FGD4: variants seen among roughly 807,000 people sequenced by gnomAD.
FGD4 encodes the protein FYVE, RhoGEF and PH domain-containing protein 4.
In FGD4, 42 loss-of-function variants were observed where a neutral mutation model predicts 102.0. That is an observed-to-expected ratio of 0.41 (90% CI 0.32 to 0.53). The LOEUF (loss-of-function observed/expected upper bound fraction) is 0.53, where lower values mean the gene tolerates loss of function less well. Ranked by LOEUF, FGD4 falls within the 20% of genes least tolerant of loss-of-function variation. FGD4 has a pLI of 0.21. For missense variants in FGD4, 902 were observed against 1,078.2 expected (o/e 0.84, Z 2.29); for synonymous variants, 380 against 375.7 (o/e 1.01, Z -0.13).
intron 1 of FGD4, among the ~76,000 whole-genome samples, chr12:32,520,722 C>T (rs1282868222): frequency 1.3e-5 from 2 of 152,096 alleles, no homozygotes; most frequent in East Asian, 1.9e-4. Flanking sequence ...AGGCATGAGC[C>T]ACCGCGCCTG....
intron 1 of FGD4, among the ~76,000 whole-genome samples, chr12:32,432,094 C>G (rs961030557): frequency 5.2e-5 from 7 of 133,372 alleles, no homozygotes; most frequent in African/African-American, 8.3e-5. Context: ...GAGTCTCGCT[C>G]TGTTGCCCAG....
rs961913126 is a variant in FGD4, at chr12:32,514,744, A to G, written c.167-49393A>G. Among the ~76,000 whole-genome samples the G allele has an allele frequency of 3.3e-5, 5 of 152,302 alleles. No individual in the cohort carries two copies. The East Asian group carries it at 7.7e-4, about 23-fold the overall frequency. On this transcript the variant is annotated intron_variant, in intron 1 of 16. Transcript: ENST00000534526. ...TATTTTACGTATTTATAAAAATTCA[A>G]TGTAAGATAAAGTTGACATCTCAAA...
intron 1 of FGD4, among the ~76,000 whole-genome samples, chr12:32,422,285 C>T (rs1186612376): frequency 5.3e-5 from 5 of 94,826 alleles, no homozygotes; most frequent in Middle Eastern, 6.1e-3. Flanking sequence ...AAATTGGGAG[C>T]TGCTTTTTTT....
chr12:32,599,168 T>C (rs564737235), intron 5 of FGD4, among the ~76,000 whole-genome samples: 1 of 152,314 alleles, frequency 6.6e-6, no homozygotes, highest in South Asian at 2.1e-4. Flanking sequence ...TCATTTCAAA[T>C]ATACACTTGG....
rs535124001 is a variant in FGD4 at position 32,431,585 on chromosome 12, C to G, written c.166+31626C>G. On this transcript the variant is annotated intron_variant, in intron 1 of 16. Coordinates refer to ENST00000534526, the MANE Select transcript of FGD4 (RefSeq NM_001370298.3). ...CATGTTTTTCTTTATCTAATCTCCCCTCAACCTGTCCCCAACAAATACATT... is the reference window on the plus strand; with the variant it reads ...CATGTTTTTCTTTATCTAATCTCCCGTCAACCTGTCCCCAACAAATACATT... 5.7e-4 allele frequency among the ~76,000 whole-genome samples: 86 copies of G among 152,116 alleles called. 1 individual carries two copies. The South Asian group carries it at 0.017, about 30-fold the overall frequency.
At chr12:32,497,175 C>G (rs2136603077) in intron 1 of FGD4, among the ~76,000 whole-genome samples, 1 of 152,198 alleles carries the variant, frequency 6.6e-6, no homozygotes, top group East Asian at 1.9e-4. Flanking sequence ...GAAATGCTAA[C>G]CACATGAGAG....
chr12:32,485,844 T>G (rs1002863480), intron 1 of FGD4: 2 of 1,208,558 alleles, frequency 1.7e-6, no homozygotes, highest in African/African-American at 3.1e-5. Context: ...ACCCCCGGTA[T>G]TCTAGAGCTC....
chr12:32,596,660 G>A (rs73083408), intron 4 of FGD4, among the ~76,000 whole-genome samples: 38 of 151,870 alleles, frequency 2.5e-4, no homozygotes, highest in Middle Eastern at 3.4e-3. Context: ...AAGGGGCTGG[G>A]CGCATTGGCT....
intron 3 of FGD4, chr12:32,579,533 A>G (rs548380053): frequency 6.6e-6 from 1 of 152,352 alleles, no homozygotes; most frequent in East Asian, 1.9e-4. Flanking sequence ...ACTATGGGAC[A>G]TTTGCAGCTC....
chr12:32,633,180 C>T (rs1048673447), intron 14 of FGD4, among the ~76,000 whole-genome samples: 2 of 151,758 alleles, frequency 1.3e-5, no homozygotes, highest in African/African-American at 4.9e-5. Context: ...TGCCCCATTT[C>T]CTGCAATAGA....
intron 1 of FGD4, among the ~76,000 whole-genome samples, chr12:32,497,433 G>T (rs1436918094): frequency 6.6e-6 from 1 of 152,042 alleles, no homozygotes; most frequent in Admixed American, 6.5e-5. Flanking sequence ...AAAATTATTG[G>T]TAATATATAG....
chr12:32,489,056 G>A (rs1285471939), intron 1 of FGD4, among the ~76,000 whole-genome samples: 3 of 152,194 alleles, frequency 2.0e-5, no homozygotes, highest in Non-Finnish European at 4.4e-5. Context: ...AACCACAGTA[G>A]TACTGGTTTT....
chr12:32,628,556 TG>T (rs1453809309), intron 14 of FGD4, among the ~76,000 whole-genome samples: 3 of 152,058 alleles, frequency 2.0e-5, no homozygotes, highest in Non-Finnish European at 4.4e-5. Context: ...CCCAGCACTT[TG>T]GGAGGCTGAG....
chr12:32,613,271 A>G (rs1477196530), intron 10 of FGD4, among the ~76,000 whole-genome samples: 1 of 152,194 alleles, frequency 6.6e-6, no homozygotes, highest in Non-Finnish European at 1.5e-5. Flanking sequence ...TTGAAAGGAA[A>G]ACTTAGGAAC....
chr12:32,436,592 C>T (rs935174007), intron 1 of FGD4, among the ~76,000 whole-genome samples: 10 of 152,196 alleles, frequency 6.6e-5, no homozygotes, highest in Admixed American at 5.2e-4. Flanking sequence ...GTGCTTCTCC[C>T]GCTTTACTTT....
intron 2 of FGD4, among the ~76,000 whole-genome samples, chr12:32,575,751 G>T (rs1382489804): frequency 6.6e-6 from 1 of 152,192 alleles, no homozygotes; most frequent in Non-Finnish European, 1.5e-5. Context: ...TTTGTTAAAT[G>T]GGAAGAAGAT....
chr12:32,501,209 A>G (rs940411514), intron 1 of FGD4, among the ~76,000 whole-genome samples: 2 of 152,126 alleles, frequency 1.3e-5, no homozygotes, highest in Non-Finnish European at 2.9e-5. Context: ...GCACCACCAC[A>G]CCTGGCTAAT....
intron 8 of FGD4, among the ~76,000 whole-genome samples, chr12:32,609,276 G>C (rs924707749): frequency 6.6e-6 from 1 of 152,166 alleles, no homozygotes; most frequent in African/African-American, 2.4e-5. Flanking sequence ...CCATAGTGTA[G>C]GATGAACTCG....
At chr12:32,572,080 A>G (rs1945716609) in intron 2 of FGD4, among the ~76,000 whole-genome samples, 1 of 150,722 alleles carries the variant, frequency 6.6e-6, no homozygotes, top group Non-Finnish European at 1.5e-5. Context: ...GCGTGTGTGT[A>G]TGTATGTTTA....
Sources: gnomAD v4.1 joint callset for allele counts (sites outside exome capture counted in the v4.1 genomes callset) on GRCh38, gnomAD v4.1.1 for gene constraint, MANE v1.5 for transcripts, NCBI Gene and HGNC (gene_info 2026-07-23, HGNC 2026-07-21) for gene names.